SH3RF2: variants seen among roughly 807,000 people sequenced by gnomAD.
SH3RF2 encodes the protein SH3 domain containing ring finger 2.
In SH3RF2, 43 loss-of-function variants were observed where a neutral mutation model predicts 59.0. The ratio of observed to expected loss-of-function variants is 0.73; its 90% CI spans 0.57 to 0.94. SH3RF2 has a LOEUF of 0.94. Ranked by LOEUF, SH3RF2 falls within the 40% of genes least tolerant of loss-of-function variation. The pLI is 0.00. For synonymous variants in SH3RF2, 391 were observed against 391.5 expected (o/e 1.00, Z 0.01); for missense variants, 930 against 940.1 (o/e 0.99, Z 0.14).
chr5:145,996,702 A>G (rs909459208), intron 2 of SH3RF2, among the ~76,000 whole-genome samples: 4 of 152,186 alleles, frequency 2.6e-5, no homozygotes, highest in Non-Finnish European at 4.4e-5. Flanking sequence ...TCAGACCCAG[A>G]AAGAGTCACT....
chr5:145,998,514 T>C (rs533142523), intron 2 of SH3RF2, among the ~76,000 whole-genome samples: 18 of 152,222 alleles, frequency 1.2e-4, no homozygotes, highest in African/African-American at 4.3e-4. Flanking sequence ...AAAAGTATTA[T>C]GCAGGTATGC....
intron 3 of SH3RF2, 24 bp downstream of exon 3, chr5:146,000,351 A>C: frequency 6.2e-7 from 1 of 1,608,386 alleles, no homozygotes; most frequent in East Asian, 2.2e-5. Flanking sequence ...TGGCCACCAG[A>C]GTCACCTGGG....
intron 2 of SH3RF2, among the ~76,000 whole-genome samples, chr5:145,991,534 A>G (rs1343377345): frequency 6.6e-6 from 1 of 152,222 alleles, no homozygotes; most frequent in Non-Finnish European, 1.5e-5. Context: ...GTATGAACAT[A>G]GAAATGAGAC....
intron 7 of SH3RF2, chr5:146,050,112 G>A (rs1762445605): frequency 6.6e-6 from 1 of 152,256 alleles, no homozygotes; most frequent in Non-Finnish European, 1.5e-5. Context: ...ACGTCCGGAG[G>A]AGGGCAGCAA....
At chr5:146,017,759 T>C (rs1158599379) in intron 5 of SH3RF2, among the ~76,000 whole-genome samples, 1 of 152,148 alleles carries the variant, frequency 6.6e-6, no homozygotes, top group Non-Finnish European at 1.5e-5. Context: ...ATCTCTTGCC[T>C]AGACTATTGC....
At chr5:145,959,193 A>C (rs1269643717) in intron 2 of SH3RF2, among the ~76,000 whole-genome samples, 3 of 152,192 alleles carry the variant, frequency 2.0e-5, no homozygotes, top group Non-Finnish European at 4.4e-5. Context: ...TTATGCAACC[A>C]TTTGCCCAAT....
intron 5 of SH3RF2, among the ~76,000 whole-genome samples, chr5:146,023,099 A>G (rs1580875083): frequency 6.6e-6 from 1 of 152,080 alleles, no homozygotes; most frequent in East Asian, 1.9e-4. Context: ...TCTATACATT[A>G]AAAAAACAAA....
chr5:145,967,355 C>T (rs989398408), intron 2 of SH3RF2, among the ~76,000 whole-genome samples: 2 of 151,976 alleles, frequency 1.3e-5, no homozygotes, highest in Admixed American at 6.6e-5. Context: ...ATCCTGTTAA[C>T]TGTAAGATAC....
intron 2 of SH3RF2, among the ~76,000 whole-genome samples, chr5:145,952,125 G>GCCA (rs1309901280): frequency 6.6e-6 from 1 of 152,050 alleles, no homozygotes; most frequent in East Asian, 1.9e-4. Context: ...TATTATTATT[G>GCCA]CCACTCTCTC....
intron 9 of SH3RF2, among the ~76,000 whole-genome samples, chr5:146,072,051 G>A: frequency 6.6e-6 from 1 of 152,232 alleles, no homozygotes; most frequent in Non-Finnish European, 1.5e-5. Flanking sequence ...GAAGAAGAAA[G>A]ATTTTGAAAA....
At chr5:146,004,387 T>C (rs1003295980) in intron 4 of SH3RF2, among the ~76,000 whole-genome samples, 1 of 152,198 alleles carries the variant, frequency 6.6e-6, no homozygotes, top group East Asian at 1.9e-4. Flanking sequence ...ATATGCAAAC[T>C]CAAATAAACT....
chr5:145,957,147 T>C (rs982462432), intron 2 of SH3RF2, among the ~76,000 whole-genome samples: 1 of 152,232 alleles, frequency 6.6e-6, no homozygotes, highest in Non-Finnish European at 1.5e-5. Context: ...ACCAAACTAA[T>C]TTTAGAAACA....
At chr5:146,012,840 T>C (rs1760959619) in intron 4 of SH3RF2, among the ~76,000 whole-genome samples, 1 of 152,142 alleles carries the variant, frequency 6.6e-6, no homozygotes. Context: ...AACACAGTGG[T>C]GTACTGGAGT....
intron 2 of SH3RF2, among the ~76,000 whole-genome samples, chr5:145,967,823 C>T (rs1051830700): frequency 2.6e-5 from 4 of 151,990 alleles, no homozygotes; most frequent in Non-Finnish European, 5.9e-5. Context: ...CCACACCCGG[C>T]GAAGTTTTAT....
At chr5:146,064,771 G>GAAAGA (rs1245424437), downstream of SH3RF2, among the ~76,000 whole-genome samples, 28 of 24,434 alleles carry the variant, frequency 1.1e-3, no homozygotes, top group African/African-American at 2.7e-3. Flanking sequence ...AGGAAGGAAG[G>GAAAGA]AAGGAAAGGA....
Position 146,000,174 on chromosome 5 carries a change from G to A in SH3RF2, c.495G>A (p.Gly165=), listed in dbSNP as rs754408250. The part of the protein sequence containing the change: ...RRQLDENWYQ[G]EINGISGNFP... The stretch of plus-strand genomic sequence containing the variant: ...AGCTTGATGAGAATTGGTACCAGGG[G>A]GAAATCAATGGCATCAGCGGGAACT... Residue 165 remains glycine, a synonymous_variant, in exon 3 of 10, where the codon GGG becomes GGA. Transcript: ENST00000359120. 1.9e-6 allele frequency: 3 copies of A among 1,613,764 alleles called. No individual in the cohort carries two copies. The highest frequency in any genetic ancestry group is 1.7e-5 in the Admixed American group (1 of 59,940).
downstream of SH3RF2, among the ~76,000 whole-genome samples, chr5:146,065,998 G>A (rs1467455760): frequency 1.3e-5 from 2 of 152,194 alleles, no homozygotes; most frequent in East Asian, 1.9e-4. Flanking sequence ...ACACAGCAAG[G>A]AAGATGATAA....
At chr5:145,945,688 T>C (rs1256983264) in intron 2 of SH3RF2, among the ~76,000 whole-genome samples, 1 of 151,894 alleles carries the variant, frequency 6.6e-6, no homozygotes, top group Non-Finnish European at 1.5e-5. Context: ...AGGAAACAGA[T>C]AGAGGAGAGG....
intron 2 of SH3RF2, among the ~76,000 whole-genome samples, chr5:145,988,419 G>C (rs944414670): frequency 6.6e-6 from 1 of 152,028 alleles, no homozygotes; most frequent in Non-Finnish European, 1.5e-5. Context: ...ACTTTTGTCA[G>C]AATATGCAGG....
Sources: gnomAD v4.1 joint callset for allele counts (sites outside exome capture counted in the v4.1 genomes callset) on GRCh38, gnomAD v4.1.1 for gene constraint, MANE v1.5 for transcripts, NCBI Gene and HGNC (gene_info 2026-07-23, HGNC 2026-07-21) for gene names.